The following NRG3 variants were observed in gnomAD, a reference collection of about 807,000 sequenced individuals.
The protein encoded by NRG3 is neuregulin 3, also known as pro-neuregulin-3, membrane-bound isoform.
A neutral mutation model predicts 66.9 loss-of-function variants in NRG3; 31 were observed. The ratio of observed to expected loss-of-function variants is 0.46; its 90% confidence interval spans 0.35 to 0.63. The LOEUF (loss-of-function observed/expected upper bound fraction) is 0.63, where lower values mean the gene tolerates loss of function less well. NRG3 is among the 20% of genes least tolerant of loss of function. NRG3 has a pLI of 0.00. For synonymous variants in NRG3, 393 were observed against 359.4 expected, an observed-to-expected ratio of 1.09 and a Z score of -1.06; for missense variants, 910 against 878.9, an observed-to-expected ratio of 1.04 and a Z score of -0.45.
intron 2 of NRG3, among the ~76,000 whole-genome samples, chr10:82,561,942 C>T (rs574933831): frequency 6.6e-6 from 1 of 152,260 alleles, no homozygotes; most frequent in African/African-American, 2.4e-5. Context: ...CTATATTAAG[C>T]ACCAAAGTTA....
chr10:82,076,122 T>A (rs1046180328), intron 1 of NRG3, among the ~76,000 whole-genome samples: 7 of 152,108 alleles, frequency 4.6e-5, no homozygotes, highest in Admixed American at 4.6e-4. Flanking sequence ...ATGGAAGACA[T>A]CTTCTAGTTA....
intron 2 of NRG3, among the ~76,000 whole-genome samples, chr10:82,684,115 C>A (rs569888265): frequency 6.6e-6 from 1 of 151,970 alleles, no homozygotes; most frequent in East Asian, 1.9e-4. Flanking sequence ...ACAGGTAATC[C>A]TATTATCTTT....
intron 2 of NRG3, among the ~76,000 whole-genome samples, chr10:82,608,559 ATTGT>A: frequency 6.6e-6 from 1 of 152,048 alleles, no homozygotes; most frequent in East Asian, 1.9e-4. Context: ...GTGGTGGTAA[ATTGT>A]TTGGGGAGGG....
At position 82,685,039 on chromosome 10, in the gene NRG3, C is replaced by T. The variant is rs936610840; in HGVS notation, c.954-53538C>T. On this transcript the variant is annotated intron_variant, in intron 2 of 8. Transcript: ENST00000372141. Reference sequence around the variant, plus strand: ...AAGGGAGGGTAAGGCAAGTCATCTACGAAGTAAGAAGGCCTTAGTTTTGAA... The same window carrying T: ...AAGGGAGGGTAAGGCAAGTCATCTATGAAGTAAGAAGGCCTTAGTTTTGAA... Among the ~76,000 whole-genome samples the T allele has an allele frequency of 6.6e-5, 10 of 151,616 alleles. No individual in the cohort carries two copies. In the East Asian group the frequency reaches 7.8e-4, roughly 12 times the overall value.
chr10:82,782,546 C>T (rs1051019149), intron 3 of NRG3, among the ~76,000 whole-genome samples: 13 of 152,024 alleles, frequency 8.6e-5, no homozygotes, highest in South Asian at 4.2e-4. Flanking sequence ...TACTGAGTAG[C>T]GAGACTGTTG....
At chr10:82,131,895 C>G (rs146916953) in intron 1 of NRG3, among the ~76,000 whole-genome samples, 11 of 152,172 alleles carry the variant, frequency 7.2e-5, no homozygotes, top group African/African-American at 2.4e-4. Flanking sequence ...TGTTTTCCAA[C>G]TTTGCTCAGT....
chr10:82,270,687 T>C (rs1203311629), intron 1 of NRG3, among the ~76,000 whole-genome samples: 3 of 152,092 alleles, frequency 2.0e-5, no homozygotes, highest in African/African-American at 7.2e-5. Flanking sequence ...TGCTGACTGA[T>C]TGATGGTAGC....
intron 3 of NRG3, among the ~76,000 whole-genome samples, chr10:82,787,669 T>C (rs955289892): frequency 2.0e-5 from 3 of 152,190 alleles, no homozygotes; most frequent in Non-Finnish European, 4.4e-5. Context: ...GCTTAAGAAA[T>C]TGGTATTTTG....
At chr10:82,782,323 G>T (rs989795537) in intron 3 of NRG3, among the ~76,000 whole-genome samples, 3 of 152,110 alleles carry the variant, frequency 2.0e-5, no homozygotes, top group African/African-American at 7.2e-5. Flanking sequence ...TCTTTCTCCT[G>T]CATGTGCTGT....
intron 2 of NRG3, among the ~76,000 whole-genome samples, chr10:82,534,115 C>T (rs987970032): frequency 1.3e-5 from 2 of 151,980 alleles, no homozygotes; most frequent in Middle Eastern, 3.4e-3. Context: ...ATGAATTAAA[C>T]GAGACACACA....
intron 2 of NRG3, among the ~76,000 whole-genome samples, chr10:82,667,307 T>TAAAC (rs2052872342): frequency 6.6e-6 from 1 of 152,206 alleles, no homozygotes; most frequent in Non-Finnish European, 1.5e-5. Flanking sequence ...GTTCTGAGTG[T>TAAAC]AAACACTGCC....
chr10:82,737,541 T>A (rs2058214411), intron 2 of NRG3, among the ~76,000 whole-genome samples: 4 of 152,224 alleles, frequency 2.6e-5, no homozygotes, highest in Non-Finnish European at 5.9e-5. Context: ...AATCTGATTT[T>A]TTTTAATGCC....
intron 2 of NRG3, among the ~76,000 whole-genome samples, chr10:82,632,737 G>T (rs2049929236): frequency 6.6e-6 from 1 of 152,096 alleles, no homozygotes; most frequent in Admixed American, 6.6e-5. Context: ...TAAATCGTCT[G>T]TCTTTGTTCA....
chr10:82,930,737 G>A (rs146256333), intron 4 of NRG3, among the ~76,000 whole-genome samples: 3 of 152,140 alleles, frequency 2.0e-5, no homozygotes, highest in East Asian at 1.9e-4. Flanking sequence ...TAAAAAATGA[G>A]TGGAGTGATT....
chr10:82,417,702 A>G (rs957355321), intron 2 of NRG3, among the ~76,000 whole-genome samples: 5 of 152,176 alleles, frequency 3.3e-5, no homozygotes, highest in Non-Finnish European at 7.3e-5. Flanking sequence ...AGTCAGCGAA[A>G]TGGTGGATTC....
chr10:81,901,114 A>C (rs1409692099), intron 1 of NRG3, among the ~76,000 whole-genome samples: 1 of 152,234 alleles, frequency 6.6e-6, no homozygotes, highest in African/African-American at 2.4e-5. Context: ...AGAGAAAGAC[A>C]GGGGCAGGGA....
At chr10:82,184,725 C>A (rs2073687410) in intron 1 of NRG3, among the ~76,000 whole-genome samples, 1 of 152,050 alleles carries the variant, frequency 6.6e-6, no homozygotes, top group South Asian at 2.1e-4. Context: ...TTAGCTTCTA[C>A]AAAATGTAAG....
intron 3 of NRG3, among the ~76,000 whole-genome samples, chr10:82,755,814 C>T (rs17745954): frequency 0.16 from 24,814 of 152,114 alleles, 2,614 homozygotes; most frequent in South Asian, 0.24. Flanking sequence ...GGCCTAGGTA[C>T]ACCATCTACT....
intron 2 of NRG3, among the ~76,000 whole-genome samples, chr10:82,403,724 T>G (rs982763099): frequency 6.6e-6 from 1 of 152,168 alleles, no homozygotes; most frequent in Non-Finnish European, 1.5e-5. Context: ...GTCGAGTGCT[T>G]GCTTTTGCTT....
Sources: gnomAD v4.1 joint callset for allele counts (sites outside exome capture counted in the v4.1 genomes callset) on GRCh38, gnomAD v4.1.1 for gene constraint, MANE v1.5 for transcripts, NCBI Gene and HGNC (gene_info 2026-07-23, HGNC 2026-07-21) for gene names.